The following SF3B1 variants were observed in gnomAD, a reference collection of about 807,000 sequenced individuals.
SF3B1 encodes the protein pre-mRNA processing 10.
A neutral mutation model predicts 153.8 loss-of-function variants in SF3B1; 12 were observed. The ratio of observed to expected loss-of-function variants is 0.08; its 90% CI spans 0.05 to 0.13. The LOEUF is 0.13. Among genes scored for constraint, SF3B1 ranks in the 10% least tolerant of loss-of-function variants. The pLI, the probability that SF3B1 is intolerant of heterozygous loss-of-function variation, is 1.00. For missense variants in SF3B1, 513 were observed against 1,606.1 expected (o/e 0.32, Z 11.63); for synonymous variants, 498 against 525.2 (o/e 0.95, Z 0.71).
At chr2:197,413,960 A>C (rs1223149277) in intron 6 of SF3B1, among the ~76,000 whole-genome samples, 1 of 151,926 alleles carries the variant, frequency 6.6e-6, no homozygotes, top group African/African-American at 2.4e-5. Context: ...GTGCCCGCCA[A>C]CATGCCGGGC....
chr2:197,398,590 T>A lies in SF3B1; in HGVS notation c.3014-9A>T, dbSNP rs745866711. ...AGTCATCTTATGCATACCTATTTAA[T>A]AGAAGTCAATAAACTATCAACATTT... On this transcript the variant is annotated splice_polypyrimidine_tract_variant and intron_variant, in intron 20 of 24. Coordinates refer to ENST00000335508, the MANE Select transcript of SF3B1 (RefSeq NM_012433.4). 9 of 1,608,414 alleles carry A rather than the reference T, an allele frequency of 5.6e-6. No homozygotes were observed. Among genetic ancestry groups the A allele is most frequent in the Non-Finnish European group, 7.6e-6 (9 of 1,178,006 alleles).
At chr2:197,398,835 T>C in intron 20 of SF3B1, 3 of 494,664 alleles carry the variant, frequency 6.1e-6, no homozygotes, top group South Asian at 4.0e-5. Context: ...CAAAAAAGTT[T>C]TGTTTGATTC....
chr2:197,408,715 T>C (rs1204020622), intron 7 of SF3B1, 134 bp from the exon 8 acceptor site: 10 of 672,922 alleles, frequency 1.5e-5, no homozygotes, highest in Non-Finnish European at 2.5e-5. Flanking sequence ...CCATTTAAAG[T>C]TGTTTGAGAC....
chr2:197,424,228 G>A (rs1200484861), intron 1 of SF3B1, among the ~76,000 whole-genome samples: 1 of 152,190 alleles, frequency 6.6e-6, no homozygotes, highest in Admixed American at 6.5e-5. Flanking sequence ...TCTGGGTGCT[G>A]TGGCTCACGC....
intron 6 of SF3B1, among the ~76,000 whole-genome samples, chr2:197,413,816 T>G (rs956160041): frequency 6.6e-6 from 1 of 150,640 alleles, no homozygotes; most frequent in African/African-American, 2.4e-5. Context: ...TTTGTTTTGT[T>G]TTTTTTTTTG....
intron 1 of SF3B1, among the ~76,000 whole-genome samples, chr2:197,428,970 C>CA (rs1258523550): frequency 5.0e-4 from 70 of 140,596 alleles, no homozygotes; most frequent in African/African-American, 9.7e-4. Context: ...AACTCCATCT[C>CA]AAAAAAAAAA....
rs2105985952 is a variant in SF3B1, at chr2:197,402,271, C to T, written c.2078-141G>A. 2.2e-6 allele frequency: 2 copies of T among 924,484 alleles called. No homozygotes were observed. The highest frequency in any genetic ancestry group is 3.7e-5 in the South Asian group (2 of 53,946). The allele number at this position is 924,484 out of a possible 1,614,324, so 57.3% of individuals were successfully genotyped here. A position where few individuals can be genotyped will look rare whatever the true frequency, so the allele number is the denominator to read the frequency against. On this transcript the variant is annotated intron_variant, in intron 14 of 24. Transcript: ENST00000335508. This position sits in a 1 kb window ranked among gnomAD's most constrained non-coding sequence, Gnocchi z 4.6. The stretch of plus-strand genomic sequence containing the variant: ...TAAACAAAATTAGGTAAAAGCAAAA[C>T]ATGAACCATAGCCTGTCAGCAGATA...
In SF3B1 at chr2:197,402,187, A is replaced by G; in HGVS notation, c.2078-57T>C. On this transcript the variant is annotated intron_variant, in intron 14 of 24. Coordinates refer to ENST00000335508, the MANE Select transcript of SF3B1 (RefSeq NM_012433.4). This position sits in a 1 kb window ranked among gnomAD's most constrained non-coding sequence, Gnocchi z 4.6. ...CCCAACATTACCTAAGTTACACAAT[A>G]TCATCCAGATTCTCTCAATATATCA... 1 of 1,542,424 alleles carries G rather than the reference A, an allele frequency of 6.5e-7. No homozygotes were observed. The highest frequency in any genetic ancestry group is 8.8e-7 in the Non-Finnish European group (1 of 1,142,332).
chr2:197,393,733 G>C (rs975233242), intron 23 of SF3B1, among the ~76,000 whole-genome samples: 1 of 152,110 alleles, frequency 6.6e-6, no homozygotes, highest in African/African-American at 2.4e-5. Flanking sequence ...TTACAGGCGT[G>C]AGCCACCGTG....
chr2:197,404,975 C>G (rs1215643013), intron 11 of SF3B1, 101 bp downstream of exon 11: 3 of 772,498 alleles, frequency 3.9e-6, no homozygotes. Flanking sequence ...TTGAGACCAG[C>G]CTGGGCAACA....
chr2:197,409,378 C>A (rs1355211194), intron 7 of SF3B1, among the ~76,000 whole-genome samples: 6 of 151,164 alleles, frequency 4.0e-5, no homozygotes, highest in Admixed American at 6.6e-5. Flanking sequence ...CCAGTCTGGA[C>A]AACAAGAGCA....
At chr2:197,430,442 C>G (rs1239498313) in intron 1 of SF3B1, among the ~76,000 whole-genome samples, 2 of 151,964 alleles carry the variant, frequency 1.3e-5, no homozygotes, top group Non-Finnish European at 2.9e-5. Flanking sequence ...CATTTTACTA[C>G]TCACGGTAGT....
At chr2:197,398,325 T>C in intron 21 of SF3B1, 136 bp downstream of exon 21, 1 of 1,046,236 alleles carries the variant, frequency 9.6e-7, no homozygotes, top group Middle Eastern at 2.7e-4. Flanking sequence ...GAAATTTGAC[T>C]GAAAATATTA....
In SF3B1 at chr2:197,427,060, T is replaced by C. The variant is rs150838236; in HGVS notation, c.29-3086A>G. Among the ~76,000 whole-genome samples, 344 of 152,332 alleles carry C rather than the reference T, an allele frequency of 2.3e-3. 1 individual carries two copies. Among genetic ancestry groups the C allele is most frequent in the African/African-American group, 7.9e-3 (330 of 41,566 alleles). On this transcript the variant is annotated intron_variant, in intron 1 of 24. Transcript: ENST00000335508. ...AATTTCAGCTACTGAATTTTAACTA[T>C]TGATTTTATGTACCTGCTGATTAGC...
intron 6 of SF3B1, among the ~76,000 whole-genome samples, chr2:197,414,515 G>C (rs1046945347): frequency 5.3e-5 from 8 of 152,190 alleles, no homozygotes; most frequent in African/African-American, 1.7e-4. Flanking sequence ...CAGAGACTGA[G>C]AGAGAAAAGG....
chr2:197,411,540 C>T (rs1255046392), intron 6 of SF3B1, among the ~76,000 whole-genome samples: 1 of 151,842 alleles, frequency 6.6e-6, no homozygotes, highest in East Asian at 1.9e-4. Flanking sequence ...GGCGTTGTAG[C>T]GGGTGCCTGT....
chr2:197,432,092 C>T (rs879644656), intron 1 of SF3B1, among the ~76,000 whole-genome samples: 3 of 152,196 alleles, frequency 2.0e-5, no homozygotes, highest in Non-Finnish European at 4.4e-5. Flanking sequence ...CCACTGCACT[C>T]CAACCTGGGC....
At chr2:197,393,455 C>CT (rs762933389) in intron 23 of SF3B1, 27,383 of 308,108 alleles carry the variant, frequency 0.089, 2 homozygotes, top group South Asian at 0.16. Context: ...TTCTAATTAA[C>CT]TTTTTTTTTT....
rs1030733440 is a variant in SF3B1, at chr2:197,400,390, A to C, written c.2763T>G (p.Leu921=). ...GCAAGTATGGTTTGACTCGTTTGCC[A>C]AGAGCATTAACCACTGTGCCAAAGC... The part of the protein sequence containing the change: ...LNGFGTVVNA[L]GKRVKPYLPQ... The change falls in exon 19 of 25, where the codon CTT becomes CTG. Residue 921 remains leucine (L), a synonymous_variant. Transcript: ENST00000335508. The surrounding 1 kb of genome is among the most constrained non-coding windows in gnomAD (Gnocchi z 5.0). 1.9e-6 allele frequency: 3 copies of C among 1,613,874 alleles called. No homozygotes were observed. The highest frequency in any genetic ancestry group is 2.7e-5 in the African/African-American group (2 of 74,930).
Sources: gnomAD v4.1 joint callset for allele counts (sites outside exome capture counted in the v4.1 genomes callset) on GRCh38, gnomAD v4.1.1 for gene constraint, Gnocchi (gnomAD v3.1) non-coding constraint, MANE v1.5 for transcripts, NCBI Gene and HGNC (gene_info 2026-07-23, HGNC 2026-07-21) for gene names.